The following ITIH5 variants were observed in gnomAD, a reference collection of about 807,000 sequenced individuals.
The protein encoded by ITIH5 is inter-alpha-trypsin inhibitor heavy chain H5.
In ITIH5, 65 loss-of-function variants were observed where a neutral mutation model predicts 77.5. The ratio of observed to expected loss-of-function variants is 0.84; its 90% CI spans 0.69 to 1.03. The LOEUF is 1.03. ITIH5 is among the 50% of genes least tolerant of loss of function. ITIH5 has a pLI of 0.00. For synonymous variants in ITIH5, 525 were observed against 494.3 expected (o/e 1.06, Z -0.82); for missense variants, 1,208 against 1,213.1 (o/e 1.00, Z 0.06).
chr10:7,591,131 A>G (rs951000944), intron 7 of ITIH5, among the ~76,000 whole-genome samples: 1 of 152,142 alleles, frequency 6.6e-6, no homozygotes, highest in African/African-American at 2.4e-5. Flanking sequence ...TCCTGACCTC[A>G]TAATCTGCCT....
chr10:7,636,048 C>G, intron 5 of ITIH5, among the ~76,000 whole-genome samples: 1 of 152,110 alleles, frequency 6.6e-6, no homozygotes, highest in East Asian at 1.9e-4. Flanking sequence ...TCAACACTGA[C>G]CAGCCTTACT....
intron 7 of ITIH5, among the ~76,000 whole-genome samples, chr10:7,593,849 T>C (rs1426018021): frequency 2.6e-5 from 4 of 151,896 alleles, no homozygotes; most frequent in Non-Finnish European, 4.4e-5. Context: ...TGCAGCCACC[T>C]GGCCCCACCA....
Position 7,563,134 on chromosome 10 carries a change from A to G in ITIH5, c.2778T>C (p.His926=). 1 of 1,614,040 alleles carries G rather than the reference A, an allele frequency of 6.2e-7. No individual in the cohort carries two copies. The highest frequency in any genetic ancestry group is 8.5e-7 in the Non-Finnish European group (1 of 1,179,898). ...DGEYKDYLAS[H]PFDTGMTLGR... ...CAAGTGTCATCCCTGTGTCAAATGGATGGGATGCCAGGTAATCCTTGTACT... is the reference window on the plus strand; with the variant it reads ...CAAGTGTCATCCCTGTGTCAAATGGGTGGGATGCCAGGTAATCCTTGTACT... The change falls in exon 14 of 14, where the codon CAT becomes CAC. Residue 926 remains histidine, a synonymous_variant. Transcript: ENST00000397146.
chr10:7,601,542 C>G (rs1833015429), intron 7 of ITIH5, among the ~76,000 whole-genome samples: 1 of 152,192 alleles, frequency 6.6e-6, no homozygotes, highest in African/African-American at 2.4e-5. Flanking sequence ...TCTGAACACT[C>G]TCAGCAGCAT....
At chr10:7,644,855 ATG>A (rs1833977591) in intron 2 of ITIH5, among the ~76,000 whole-genome samples, 1 of 136,212 alleles carries the variant, frequency 7.3e-6, no homozygotes, top group Non-Finnish European at 1.5e-5. Context: ...TATATCACAT[ATG>A]TATCACATAT....
chr10:7,666,760 G>T, intron 1 of ITIH5, 43 bp downstream of exon 1: 1 of 1,538,304 alleles, frequency 6.5e-7, no homozygotes, highest in Non-Finnish European at 8.9e-7. Context: ...GGAGGGAAGG[G>T]GGCGGCCGCG....
Position 7,629,620 on chromosome 10 carries a change from C to T in ITIH5, c.652+7608G>A, listed in dbSNP as rs552744308. ...GTTGTAGCGTGTATCCATGTTGCAG[C>T]GTGTGTCTGTGTTGTGGCATGTATC... On this transcript the variant is annotated intron_variant, in intron 5 of 13. Transcript: ENST00000397146. Among the ~76,000 whole-genome samples the T allele has an allele frequency of 1.5e-3, 203 of 136,750 alleles. 3 individuals carry two copies. Among genetic ancestry groups the T allele is most frequent in the African/African-American group, 3.1e-3 (126 of 40,124 alleles). 89.7% of individuals were successfully genotyped at this position (136,750 alleles called of 152,430 possible).
intron 7 of ITIH5, among the ~76,000 whole-genome samples, chr10:7,604,031 G>A (rs1833071966): frequency 6.6e-6 from 1 of 152,176 alleles, no homozygotes; most frequent in East Asian, 1.9e-4. Context: ...TGGTGCCACG[G>A]CCCTGCAGGA....
rs10458802 is a variant in ITIH5 at position 7,577,030 on chromosome 10, G to A, written c.1419-18C>T. On this transcript the variant is annotated intron_variant, in intron 9 of 13. Transcript: ENST00000397146. ...CGTAGAACCTGCAGTGGAAGCACAG[G>A]GAGGGAGGGAGATCAGGGCCCTGCT... 861,084 of 1,588,784 alleles carry A rather than the reference G, an allele frequency of 0.54. 235,569 individuals are homozygous for A. Among genetic ancestry groups the A allele is most frequent in the East Asian group, 0.77 (34,169 of 44,462 alleles).
chr10:7,612,171 C>T (rs1588398301), intron 7 of ITIH5, among the ~76,000 whole-genome samples: 1 of 152,048 alleles, frequency 6.6e-6, no homozygotes, highest in African/African-American at 2.4e-5. Context: ...GACAGTCATC[C>T]CGATGGGGTT....
At chr10:7,572,505 T>A in intron 11 of ITIH5, 1 of 1,243,040 alleles carries the variant, frequency 8.0e-7, no homozygotes, top group Middle Eastern at 2.8e-4. Flanking sequence ...GGATGCATGC[T>A]CCGGATCTCT....
At chr10:7,567,923 C>T (rs1046722232) in intron 12 of ITIH5, among the ~76,000 whole-genome samples, 1 of 152,180 alleles carries the variant, frequency 6.6e-6, no homozygotes, top group Non-Finnish European at 1.5e-5. Context: ...AATGGATGGA[C>T]AGATGGAAAA....
intron 5 of ITIH5, among the ~76,000 whole-genome samples, chr10:7,629,350 C>CAT (rs1833669465): frequency 8.7e-6 from 1 of 114,748 alleles, no homozygotes; most frequent in African/African-American, 3.9e-5. Flanking sequence ...CATGTTGTAG[C>CAT]GTGTGTCCCT....
Position 7,569,771 on chromosome 10 carries a change from G to A in ITIH5, c.2046C>T (p.Pro682=). The part of the protein sequence containing the change: ...KISKTSVDGD[P]HFVVDFPLSR... Reference sequence around the variant, plus strand: ...TCAGGGGGAAATCCACAACAAAGTGGGGATCACCATCCACTGCCAGAGCAG... The same window carrying A: ...TCAGGGGGAAATCCACAACAAAGTGAGGATCACCATCCACTGCCAGAGCAG... Residue 682 remains proline, a synonymous_variant, in exon 12 of 14, where the codon CCC becomes CCT. Coordinates refer to ENST00000397146, the MANE Select transcript of ITIH5 (RefSeq NM_030569.7). 1 of 1,606,108 alleles carries A rather than the reference G, an allele frequency of 6.2e-7. No individual in the cohort carries two copies. Among genetic ancestry groups the A allele is most frequent in the Non-Finnish European group, 8.5e-7 (1 of 1,176,804 alleles).
chr10:7,585,654 C>T (rs1423678892), intron 8 of ITIH5, among the ~76,000 whole-genome samples: 1 of 152,058 alleles, frequency 6.6e-6, no homozygotes, highest in East Asian at 1.9e-4. Flanking sequence ...CCAGGCAAGC[C>T]TCCAAACACC....
intron 5 of ITIH5, among the ~76,000 whole-genome samples, chr10:7,629,562 A>C (rs561866520): frequency 2.2e-5 from 2 of 92,238 alleles, no homozygotes; most frequent in African/African-American, 5.0e-5. Flanking sequence ...CATCCATGTT[A>C]TCATATGTAT....
At chr10:7,569,964 A>T (rs1832264824) in intron 11 of ITIH5, 180 bp from the exon 12 acceptor site, 1 of 515,464 alleles carries the variant, frequency 1.9e-6, no homozygotes. Flanking sequence ...AACTCCCCAG[A>T]ATTACCCAGT....
intron 5 of ITIH5, among the ~76,000 whole-genome samples, chr10:7,634,981 T>C (rs907923881): frequency 7.2e-5 from 11 of 152,360 alleles, no homozygotes; most frequent in Admixed American, 7.2e-4. Context: ...ATTTTTTTCA[T>C]AGAGACAAGT....
intron 1 of ITIH5, among the ~76,000 whole-genome samples, chr10:7,663,420 A>G (rs1358032018): frequency 6.6e-6 from 1 of 152,260 alleles, no homozygotes. Context: ...TGTTATTTTT[A>G]TAAAAATTAA....
Sources: gnomAD v4.1 joint callset for allele counts (sites outside exome capture counted in the v4.1 genomes callset) on GRCh38, gnomAD v4.1.1 for gene constraint, MANE v1.5 for transcripts, NCBI Gene and HGNC (gene_info 2026-07-23, HGNC 2026-07-21) for gene names.